ZNRF2: variants seen among roughly 807,000 people sequenced by gnomAD.
ZNRF2 encodes E3 ubiquitin-protein ligase ZNRF2.
Under a neutral mutation model 20.4 loss-of-function variants are expected in ZNRF2, and 16 were observed. The observed-to-expected ratio is 0.79, with a 90% confidence interval of 0.53 to 1.19. The LOEUF is 1.19. Ranked by LOEUF, ZNRF2 falls within the 50% of genes most tolerant of loss-of-function variation. The pLI is 0.00. For missense variants in ZNRF2, 363 were observed against 332.4 expected (o/e 1.09, Z -0.72); for synonymous variants, 178 against 144.9 (o/e 1.23, Z -1.64).
Position 30,355,747 on chromosome 7 carries a change from T to A in ZNRF2, c.585T>A (p.Asp195Glu). ...ITYNEDVLSK[D>E]AGECAICLEE... The stretch of plus-strand genomic sequence containing the variant: ...CTTCAGAGGATGTACTGAGTAAAGA[T>A]GCTGGGGAATGTGCAATATGCCTTG... The change falls in exon 3 of 5, where the codon GAT (aspartate) becomes GAA (glutamate). Residue 195 changes from aspartate (D) to glutamate (E), a missense_variant. This residue lies in a region of ZNRF2 where 61 missense variants were observed against 100.9 expected (regional missense o/e 0.60). Transcript: ENST00000323037. The A allele has an allele frequency of 6.2e-7, 1 of 1,613,384 alleles. No homozygotes were observed. Among genetic ancestry groups the A allele is most frequent in the South Asian group, 1.1e-5 (1 of 90,988 alleles).
rs1327003842 is a variant in ZNRF2, at chr7:30,285,430, T to C, written c.73T>C (p.Ser25Pro). ...CGCGTACTCGGGCTCGGATCTACCTTCCAGTAGCAGCGGAGGCGCCAATGG... is the reference window on the plus strand; with the variant it reads ...CGCGTACTCGGGCTCGGATCTACCTCCCAGTAGCAGCGGAGGCGCCAATGG... ...TRAYSGSDLP[S>P]SSSGGANGTA... is the part of the protein sequence containing the mutation. Residue 25 changes from serine to proline, a missense_variant, in exon 1 of 5, where the codon TCC becomes CCC. Ser to Pro is a moderately conservative substitution (Grantham distance 74). Transcript: ENST00000323037. 8.3e-7 allele frequency: 1 copy of C among 1,206,980 alleles called. No homozygotes were observed. Among genetic ancestry groups the C allele is most frequent in the Non-Finnish European group, 1.0e-6 (1 of 960,804 alleles). 74.8% of individuals were successfully genotyped at this position (1,206,980 alleles called of 1,614,324 possible).
rs966378035 is a variant in ZNRF2 at position 30,285,609 on chromosome 7, C to T, written c.252C>T (p.Gly84=). 2 of 1,183,856 alleles carry T rather than the reference C, an allele frequency of 1.7e-6. No individual in the cohort carries two copies. The highest frequency in any genetic ancestry group is 2.1e-6 in the Non-Finnish European group (2 of 958,144). The allele number at this position is 1,183,856 out of a possible 1,614,324, so 73.3% of individuals were successfully genotyped here. The part of the protein sequence containing the change: ...APAAPRSRSL[G]GAVGSVASGA... ...CGGCCCCGCGCAGCCGCTCCCTCGG[C>T]GGGGCCGTGGGGAGCGTGGCGTCGG... Residue 84 remains glycine, a synonymous_variant, in exon 1 of 5, where the codon GGC becomes GGT. Coordinates refer to ENST00000323037, the MANE Select transcript of ZNRF2 (RefSeq NM_147128.4).
At chr7:30,326,399 G>T (rs1006264032) in intron 2 of ZNRF2, among the ~76,000 whole-genome samples, 1 of 152,186 alleles carries the variant, frequency 6.6e-6, no homozygotes, top group Admixed American at 6.5e-5. Flanking sequence ...TTGCTTTTCT[G>T]TTCCTGTGTG....
At chr7:30,359,072 A>G (rs1387213831) in intron 3 of ZNRF2, among the ~76,000 whole-genome samples, 1 of 152,214 alleles carries the variant, frequency 6.6e-6, no homozygotes, top group Non-Finnish European at 1.5e-5. Context: ...GCTGGGATCA[A>G]TTGGTTATTG....
chr7:30,328,165 G>C (rs932574023), intron 2 of ZNRF2, among the ~76,000 whole-genome samples: 1 of 152,136 alleles, frequency 6.6e-6, no homozygotes, highest in Non-Finnish European at 1.5e-5. Flanking sequence ...GTCTGTCACA[G>C]GTGATGAGTC....
At chr7:30,314,542 A>G (rs1799337901) in intron 1 of ZNRF2, among the ~76,000 whole-genome samples, 1 of 149,000 alleles carries the variant, frequency 6.7e-6, no homozygotes, top group South Asian at 2.1e-4. Flanking sequence ...CAGAAAGTTG[A>G]TTGATGGGCT....
Position 30,285,047 on chromosome 7 carries a change from G to A in ZNRF2, c.-311G>A, listed in dbSNP as rs755983773. 1 of 406,776 alleles carries A rather than the reference G, an allele frequency of 2.5e-6. No individual in the cohort carries two copies. The highest frequency in any genetic ancestry group is 1.7e-5 in the South Asian group (1 of 59,966). The allele number at this position is 406,776 out of a possible 1,614,324, so 25.2% of individuals were successfully genotyped here. On this transcript the variant is annotated 5_prime_UTR_variant, in exon 1 of 5. Coordinates refer to ENST00000323037, the MANE Select transcript of ZNRF2 (RefSeq NM_147128.4). ...TGGCGCACCAGAACCGAAACCAGCG[G>A]CAGCCGCACGGCCACTTGAGCCGCC... is the stretch of plus-strand genomic sequence containing the variant.
chr7:30,320,274 GATAC>G (rs938649591), intron 1 of ZNRF2, among the ~76,000 whole-genome samples: 43 of 151,760 alleles, frequency 2.8e-4, no homozygotes, highest in African/African-American at 8.5e-4. Flanking sequence ...ATAATTTATC[GATAC>G]ATACATTTAT....
At chr7:30,294,211 CTTCT>C (rs1341459318) in intron 1 of ZNRF2, among the ~76,000 whole-genome samples, 1 of 151,980 alleles carries the variant, frequency 6.6e-6, no homozygotes, top group African/African-American at 2.4e-5. Context: ...TTTCTCTTAG[CTTCT>C]TTTATTTTTT....
At chr7:30,307,472 A>T (rs933311522) in intron 1 of ZNRF2, among the ~76,000 whole-genome samples, 3 of 150,552 alleles carry the variant, frequency 2.0e-5, no homozygotes, top group African/African-American at 7.3e-5. Context: ...TCTCTGTAAG[A>T]TGTTTGTTCT....
chr7:30,313,431 C>T (rs188187436), intron 1 of ZNRF2, among the ~76,000 whole-genome samples: 15 of 152,176 alleles, frequency 9.9e-5, no homozygotes, highest in Non-Finnish European at 1.6e-4. Flanking sequence ...AAGTTAGTGT[C>T]GGGTAAGAAG....
At chr7:30,355,999 C>T (rs1800030690) in intron 3 of ZNRF2, among the ~76,000 whole-genome samples, 166 bp downstream of exon 3, 1 of 152,154 alleles carries the variant, frequency 6.6e-6, no homozygotes, top group Non-Finnish European at 1.5e-5. Context: ...GACTTGAACC[C>T]ACATCTGTTT....
At chr7:30,317,168 A>G (rs368322321) in intron 1 of ZNRF2, among the ~76,000 whole-genome samples, 82 of 152,328 alleles carry the variant, frequency 5.4e-4, no homozygotes, top group Non-Finnish European at 8.8e-5. Context: ...ACTGAGGCCA[A>G]CTGTATAGTT....
intron 1 of ZNRF2, among the ~76,000 whole-genome samples, chr7:30,300,773 A>C (rs1799101531): frequency 6.6e-6 from 1 of 152,238 alleles, no homozygotes; most frequent in African/African-American, 2.4e-5. Context: ...TGGTTGAATG[A>C]AAATTGTGAG....
At chr7:30,323,558 C>T (rs374045445) in intron 1 of ZNRF2, 84 bp from the exon 2 acceptor site, 25 of 909,648 alleles carry the variant, frequency 2.7e-5, no homozygotes, top group South Asian at 9.6e-5. Context: ...AAGTTTCAAA[C>T]GCTTTTTGAT....
At chr7:30,352,697 T>C (rs925839134) in intron 2 of ZNRF2, among the ~76,000 whole-genome samples, 6 of 152,100 alleles carry the variant, frequency 3.9e-5, no homozygotes, top group African/African-American at 9.7e-5. Flanking sequence ...TCTGCTTCTT[T>C]AATGAGTTTT....
At chr7:30,351,684 T>C (rs1294065387) in intron 2 of ZNRF2, among the ~76,000 whole-genome samples, 1 of 152,044 alleles carries the variant, frequency 6.6e-6, no homozygotes, top group Admixed American at 6.6e-5. Context: ...CTTAGTAGTT[T>C]AGTAACTTCT....
chr7:30,295,560 A>G (rs1445510015), intron 1 of ZNRF2, among the ~76,000 whole-genome samples: 1 of 152,106 alleles, frequency 6.6e-6, no homozygotes, highest in Non-Finnish European at 1.5e-5. Context: ...AAATACAAAA[A>G]TTAGCCAGGT....
chr7:30,320,663 G>T (rs1799455061), intron 1 of ZNRF2, among the ~76,000 whole-genome samples: 1 of 152,164 alleles, frequency 6.6e-6, no homozygotes, highest in Non-Finnish European at 1.5e-5. Context: ...AGGTAGGCTA[G>T]CCTAAGCTAC....
Sources: gnomAD v4.1 joint callset for allele counts (sites outside exome capture counted in the v4.1 genomes callset) on GRCh38, gnomAD v4.1.1 for gene constraint, gnomAD v4.1.1 regional missense constraint, MANE v1.5 for transcripts, NCBI Gene and HGNC (gene_info 2026-07-23, HGNC 2026-07-21) for gene names.